The following STRBP variants were observed in gnomAD, a reference collection of about 807,000 sequenced individuals.
STRBP encodes spermatid perinuclear RNA-binding protein.
Under a neutral mutation model 80.1 loss-of-function variants are expected in STRBP, and 13 were observed. The ratio of observed to expected loss-of-function variants is 0.16; its 90% confidence interval spans 0.11 to 0.26. The LOEUF (loss-of-function observed/expected upper bound fraction) is 0.26. STRBP is among the 10% of genes least tolerant of loss of function. STRBP has a pLI of 1.00. For missense variants in STRBP, 485 were observed against 815.2 expected, an observed-to-expected ratio of 0.59 and a Z score of 4.93; for synonymous variants, 284 against 291.2, an observed-to-expected ratio of 0.98 and a Z score of 0.25.
At chr9:123,157,931 T>G (rs1366162331) in intron 11 of STRBP, 81 bp downstream of exon 11, 1 of 1,031,242 alleles carries the variant, frequency 9.7e-7, no homozygotes. Flanking sequence ...TTAAGTTCCC[T>G]AAGTTGTAAT....
At chr9:123,142,409 T>C (rs78533777) in intron 13 of STRBP, among the ~76,000 whole-genome samples, 11,509 of 152,220 alleles carry the variant, frequency 0.076, 574 homozygotes, top group African/African-American at 0.13. Flanking sequence ...TTCTGTACAG[T>C]CTGCAGAATT....
intron 1 of STRBP, among the ~76,000 whole-genome samples, chr9:123,240,280 C>G (rs115706569): frequency 7.3e-6 from 1 of 137,362 alleles, no homozygotes; most frequent in Non-Finnish European, 1.5e-5. Flanking sequence ...CTGTATGATG[C>G]TTTCTTCATG....
chr9:123,190,390 G>T (rs1003546758), intron 2 of STRBP, among the ~76,000 whole-genome samples: 3 of 151,500 alleles, frequency 2.0e-5, no homozygotes, highest in Non-Finnish European at 4.4e-5. Flanking sequence ...TCTACATGGT[G>T]GCATTATTTC....
At chr9:123,235,578 G>A (rs2040535363) in intron 2 of STRBP, among the ~76,000 whole-genome samples, 1 of 58,380 alleles carries the variant, frequency 1.7e-5, no homozygotes. Flanking sequence ...GAAGAGACAA[G>A]TTCAGCAAAA....
intron 11 of STRBP, 113 bp from the exon 12 acceptor site, chr9:123,147,983 T>C (rs1381144692): frequency 1.0e-5 from 9 of 899,526 alleles, no homozygotes; most frequent in Non-Finnish European, 1.3e-5. Flanking sequence ...CCAAGGACCA[T>C]ACAACTTTTT....
intron 3 of STRBP, among the ~76,000 whole-genome samples, chr9:123,179,997 A>T (rs188078427): frequency 1.8e-4 from 28 of 152,016 alleles, no homozygotes; most frequent in African/African-American, 6.5e-4. Flanking sequence ...TCATGCCTAT[A>T]ATTCCCAGCA....
At chr9:123,134,120 T>C (rs556233548) in intron 16 of STRBP, among the ~76,000 whole-genome samples, 24 of 152,294 alleles carry the variant, frequency 1.6e-4, no homozygotes, top group African/African-American at 3.4e-4. Context: ...AAACCTCTTT[T>C]CCAAACTAAA....
In STRBP at chr9:123,115,664, T is replaced by C; in HGVS notation, c.*84+265A>G. The C allele has an allele frequency of 3.0e-6, 1 of 336,468 alleles. No homozygotes were observed. The highest frequency in any genetic ancestry group is 2.1e-5 in the African/African-American group (1 of 46,598). 20.8% of individuals were successfully genotyped at this position (336,468 alleles called of 1,614,324 possible). A position where few individuals can be genotyped will look rare whatever the true frequency, so the allele number is the denominator to read the frequency against. On this transcript the variant is annotated intron_variant and NMD_transcript_variant, in intron 3 of 3. Transcript: ENST00000471564. The surrounding 1 kb of genome is among the most constrained non-coding windows in gnomAD (Gnocchi z 5.0). Reference sequence around the variant, plus strand: ...ATCTACGTGCCCAAGAAGGGAGACATGGTCTTGGCAGCATCACCAGTCAAC... The same window carrying C: ...ATCTACGTGCCCAAGAAGGGAGACACGGTCTTGGCAGCATCACCAGTCAAC...
At chr9:123,244,535 G>C (rs1417841625) in intron 1 of STRBP, among the ~76,000 whole-genome samples, 1 of 152,052 alleles carries the variant, frequency 6.6e-6, no homozygotes, top group Non-Finnish European at 1.5e-5. Context: ...TTAATAAAAG[G>C]GGAAAGTCAT....
Position 123,122,116 on chromosome 9 carries a change from ATCATATATGATTG to A in STRBP, c.*3468_*3480del, listed in dbSNP as rs2035752974. 3 of 257,482 alleles carry A rather than the reference ATCATATATGATTG, an allele frequency of 1.2e-5. No homozygotes were observed. The highest frequency in any genetic ancestry group is 7.6e-6 in the Non-Finnish European group (1 of 131,558). 15.9% of individuals were successfully genotyped at this position (257,482 alleles called of 1,614,324 possible). A position where few individuals can be genotyped will look rare whatever the true frequency, so the allele number is the denominator to read the frequency against. ...ACATATGACCTAAGAGATCAAATAC[ATCATATATGATTG>A]TCATATATGCATGTTGTCTTAATTG... On this transcript the variant is annotated 3_prime_UTR_variant, in exon 19 of 19. Coordinates refer to ENST00000348403, the MANE Select transcript of STRBP (RefSeq NM_018387.5).
intron 2 of STRBP, among the ~76,000 whole-genome samples, chr9:123,192,129 C>G (rs910349028): frequency 6.6e-6 from 1 of 152,104 alleles, no homozygotes; most frequent in Non-Finnish European, 1.5e-5. Flanking sequence ...GGAATAAGAT[C>G]AGAAATTCAG....
At chr9:123,182,807 T>A (rs568030751) in intron 3 of STRBP, among the ~76,000 whole-genome samples, 1 of 152,074 alleles carries the variant, frequency 6.6e-6, no homozygotes, top group South Asian at 2.1e-4. Flanking sequence ...AGCCAAGGCG[T>A]TCCAGACCAG....
chr9:123,265,562 C>T lies in STRBP; in HGVS notation c.-302+2874G>A, dbSNP rs763992347. ...AATCGTTTTCCAAGATTCTAGGAAA[C>T]CTTGCTTACTGAAGCAGTCTCAAAG... On this transcript the variant is annotated intron_variant, in intron 1 of 18. Transcript: ENST00000348403. Among the ~76,000 whole-genome samples the T allele has an allele frequency of 1.0e-3, 152 of 152,156 alleles. 5 individuals are homozygous for T. Among genetic ancestry groups the T allele is most frequent in the Non-Finnish European group, 2.9e-4 (20 of 68,020 alleles).
intron 17 of STRBP, 92 bp from the exon 18 acceptor site, chr9:123,128,350 G>A: frequency 1.4e-6 from 2 of 1,441,500 alleles, no homozygotes; most frequent in Middle Eastern, 3.7e-4. Flanking sequence ...AGCACCCTGG[G>A]CCCGGAGGAC....
intron 1 of STRBP, among the ~76,000 whole-genome samples, chr9:123,245,526 A>G (rs1368183531): frequency 6.6e-6 from 1 of 152,114 alleles, no homozygotes; most frequent in African/African-American, 2.4e-5. Flanking sequence ...AGTAGCTGGG[A>G]GCTGCCACCA....
chr9:123,266,648 C>T (rs2041272418), intron 1 of STRBP, among the ~76,000 whole-genome samples: 1 of 151,984 alleles, frequency 6.6e-6, no homozygotes, highest in African/African-American at 2.4e-5. Flanking sequence ...ACCTGTGTTC[C>T]TAGCTCTCTC....
rs144930066 is a variant in STRBP, at chr9:123,153,985, A to C, written c.1045+4027T>G. 2.2e-3 allele frequency among the ~76,000 whole-genome samples: 330 copies of C among 152,324 alleles called. 1 individual carries two copies. Among genetic ancestry groups the C allele is most frequent in the African/African-American group, 7.6e-3 (317 of 41,568 alleles). On this transcript the variant is annotated intron_variant, in intron 11 of 18. Transcript: ENST00000348403. ...AGAACAAAGGAAGCTGATGACCTGG[A>C]AGTCAAATGAAAAGTGGTATTTCAT...
In STRBP at chr9:123,165,243, T is replaced by C. The variant is rs1457803809; in HGVS notation, c.536-4175A>G. Among the ~76,000 whole-genome samples, 3 of 139,726 alleles carry C rather than the reference T, an allele frequency of 2.1e-5. No homozygotes were observed. The East Asian group carries it at 6.3e-4, about 29-fold the overall frequency. The allele number at this position is 139,726 out of a possible 152,430, so 91.7% of individuals were successfully genotyped here. A position where few individuals can be genotyped will look rare whatever the true frequency, so the allele number is the denominator to read the frequency against. The stretch of plus-strand genomic sequence containing the variant: ...TTGCAGTGAGCCGAGATCGCACCAC[T>C]GCACTCCAGCCTGGAGACAGAGCGA... On this transcript the variant is annotated intron_variant, in intron 6 of 18. Coordinates refer to ENST00000348403, the MANE Select transcript of STRBP (RefSeq NM_018387.5).
chr9:123,184,260 A>G lies in STRBP; in HGVS notation c.-126T>C, dbSNP rs1374574443. 2 of 824,644 alleles carry G rather than the reference A, an allele frequency of 2.4e-6. No homozygotes were observed. The highest frequency in any genetic ancestry group is 2.7e-5 in the Admixed American group (1 of 36,864). 51.1% of individuals were successfully genotyped at this position (824,644 alleles called of 1,614,324 possible). A position where few individuals can be genotyped will look rare whatever the true frequency, so the allele number is the denominator to read the frequency against. ...TGAGTCCCCTGACAGCTCAGCGTCA[A>G]TATAGCAAATGTCTGAAGGCTTGTT... On this transcript the variant is annotated 5_prime_UTR_variant, in exon 3 of 19. Transcript: ENST00000348403.
Sources: gnomAD v4.1 joint callset for allele counts (sites outside exome capture counted in the v4.1 genomes callset) on GRCh38, gnomAD v4.1.1 for gene constraint, Gnocchi (gnomAD v3.1) non-coding constraint, MANE v1.5 for transcripts, NCBI Gene and HGNC (gene_info 2026-07-23, HGNC 2026-07-21) for gene names.